MAPK10: variants seen among roughly 807,000 people sequenced by gnomAD.
MAPK10 encodes the protein JNK3 alpha protein kinase.
A neutral mutation model predicts 59.3 loss-of-function variants in MAPK10; 25 were observed. That is an observed-to-expected ratio of 0.42 (90% CI 0.31 to 0.59). MAPK10 has a LOEUF of 0.59. MAPK10 is among the 20% of genes least tolerant of loss of function. MAPK10 has a pLI of 0.15. For synonymous variants in MAPK10, 190 were observed against 200.5 expected (o/e 0.95, Z 0.44); for missense variants, 351 against 568.9 (o/e 0.62, Z 3.90).
intron 4 of MAPK10, among the ~76,000 whole-genome samples, chr4:86,142,134 C>A (rs2063771597): frequency 6.6e-6 from 1 of 152,188 alleles, no homozygotes; most frequent in South Asian, 2.1e-4. Flanking sequence ...AACCTAAACA[C>A]TTCCCACTAG....
At chr4:86,383,694 G>A (rs941789675) in intron 1 of MAPK10, among the ~76,000 whole-genome samples, 1 of 151,946 alleles carries the variant, frequency 6.6e-6, no homozygotes, top group African/African-American at 2.4e-5. Flanking sequence ...TTTTCTAATA[G>A]AGAATAAAAT....
At chr4:86,511,172 C>A (rs2149083590) in intron 1 of MAPK10, among the ~76,000 whole-genome samples, 1 of 152,232 alleles carries the variant, frequency 6.6e-6, no homozygotes, top group African/African-American at 2.4e-5. Flanking sequence ...TATTATACAT[C>A]AATTTTTTTT....
At chr4:86,464,156 AC>A (rs1319037014) in intron 1 of MAPK10, among the ~76,000 whole-genome samples, 1 of 152,224 alleles carries the variant, frequency 6.6e-6, no homozygotes, top group African/African-American at 2.4e-5. Flanking sequence ...CATTTAGCTG[AC>A]TTTGTGGGTA....
chr4:86,359,990 G>A lies in MAPK10; in HGVS notation c.-454C>T. On this transcript the variant is annotated 5_prime_UTR_variant, in exon 1 of 14. Coordinates refer to ENST00000641462, the MANE Select transcript of MAPK10 (RefSeq NM_138982.4). The stretch of plus-strand genomic sequence containing the variant: ...AAAGAAAATAGAAGAAGAGTGGCTT[G>A]CTGAATCACCCTCTTTCACTGCCTG... 4.1e-6 allele frequency: 4 copies of A among 985,828 alleles called. No homozygotes were observed. The highest frequency in any genetic ancestry group is 4.8e-6 in the Non-Finnish European group (4 of 829,986). 61.1% of individuals were successfully genotyped at this position (985,828 alleles called of 1,614,324 possible). A position where few individuals can be genotyped will look rare whatever the true frequency, so the allele number is the denominator to read the frequency against.
intron 1 of MAPK10, among the ~76,000 whole-genome samples, chr4:86,391,825 C>A (rs1742228314): frequency 1.3e-5 from 2 of 152,212 alleles, no homozygotes; most frequent in Admixed American, 1.3e-4. Flanking sequence ...TTCACACTTA[C>A]TTCCTTCCAG....
intron 11 of MAPK10, among the ~76,000 whole-genome samples, chr4:86,033,821 A>G (rs1250549495): frequency 6.6e-6 from 1 of 152,226 alleles, no homozygotes; most frequent in Non-Finnish European, 1.5e-5. Context: ...GGGCACATTC[A>G]CATACAGATG....
chr4:86,041,976 G>A (rs749290469), intron 11 of MAPK10, among the ~76,000 whole-genome samples: 22 of 152,106 alleles, frequency 1.4e-4, no homozygotes, highest in Non-Finnish European at 2.2e-4. Flanking sequence ...GTATATATCC[G>A]AAGGATTCTA....
At chr4:86,329,321 T>C (rs1319779134) in intron 2 of MAPK10, among the ~76,000 whole-genome samples, 2 of 152,246 alleles carry the variant, frequency 1.3e-5, no homozygotes, top group Non-Finnish European at 2.9e-5. Flanking sequence ...GTTAAATATA[T>C]TTAAGCACAT....
intron 1 of MAPK10, among the ~76,000 whole-genome samples, chr4:86,378,249 C>G (rs1214743345): frequency 6.6e-6 from 1 of 152,110 alleles, no homozygotes; most frequent in Non-Finnish European, 1.5e-5. Context: ...CTCCTTCTCT[C>G]CCTCACTGGC....
At chr4:86,167,305 A>G (rs887021440) in intron 3 of MAPK10, among the ~76,000 whole-genome samples, 2 of 152,230 alleles carry the variant, frequency 1.3e-5, no homozygotes, top group South Asian at 2.1e-4. Flanking sequence ...AGGATCTGGT[A>G]TCATTCCTTC....
At chr4:86,171,168 G>A (rs1246744187) in intron 3 of MAPK10, 1 of 151,436 alleles carries the variant, frequency 6.6e-6, no homozygotes, top group African/African-American at 2.4e-5. Context: ...AAAAGAACTA[G>A]AAAAGCAAGA....
At chr4:86,184,972 C>T (rs1026438188) in intron 3 of MAPK10, among the ~76,000 whole-genome samples, 1 of 152,096 alleles carries the variant, frequency 6.6e-6, no homozygotes, top group Admixed American at 6.6e-5. Flanking sequence ...CAATGGTGTG[C>T]TGGTAAATGT....
chr4:86,114,134 T>C (rs1393289563), intron 4 of MAPK10, among the ~76,000 whole-genome samples: 1 of 152,226 alleles, frequency 6.6e-6, no homozygotes, highest in East Asian at 1.9e-4. Context: ...TCATGGTTCT[T>C]AGCTTCTTTG....
At chr4:86,172,487 C>G (rs1264131920) in intron 3 of MAPK10, among the ~76,000 whole-genome samples, 1 of 151,020 alleles carries the variant, frequency 6.6e-6, no homozygotes, top group Non-Finnish European at 1.5e-5. Context: ...AAAAACCAAA[C>G]ACCGCATGTT....
intron 1 of MAPK10, among the ~76,000 whole-genome samples, chr4:86,372,096 C>T (rs1172213834): frequency 1.3e-5 from 2 of 152,202 alleles, no homozygotes; most frequent in Non-Finnish European, 2.9e-5. Context: ...CTCAGCACCA[C>T]ATGATACTTA....
chr4:86,333,362 G>A (rs1360926615), intron 2 of MAPK10, among the ~76,000 whole-genome samples: 1 of 152,044 alleles, frequency 6.6e-6, no homozygotes, highest in African/African-American at 2.4e-5. Context: ...TCCCAGTCAT[G>A]AGGAGTTGAG....
intron 1 of MAPK10, among the ~76,000 whole-genome samples, chr4:86,525,565 A>G (rs1219985891): frequency 6.6e-6 from 1 of 152,146 alleles, no homozygotes; most frequent in Non-Finnish European, 1.5e-5. Flanking sequence ...CTTTTCCCTC[A>G]CTGTACAAAG....
chr4:86,082,995 C>G (rs7659520), intron 9 of MAPK10, among the ~76,000 whole-genome samples: 21,768 of 152,154 alleles, frequency 0.14, 1,893 homozygotes, highest in African/African-American at 0.23. Flanking sequence ...GTCTGCGGGA[C>G]AGACTTGGCA....
chr4:86,573,214 G>A (rs138342710), intron 1 of MAPK10, among the ~76,000 whole-genome samples: 2 of 152,046 alleles, frequency 1.3e-5, no homozygotes, highest in African/African-American at 2.4e-5. Context: ...TACTATCAAA[G>A]GTCACAAAGA....
Sources: gnomAD v4.1 joint callset for allele counts (sites outside exome capture counted in the v4.1 genomes callset) on GRCh38, gnomAD v4.1.1 for gene constraint, MANE v1.5 for transcripts, NCBI Gene and HGNC (gene_info 2026-07-23, HGNC 2026-07-21) for gene names.